Variants in FASTKD1 observed in about 807,000 individuals in gnomAD.
FASTKD1 encodes FAST kinase domain-containing protein 1, mitochondrial.
In FASTKD1, 94 loss-of-function variants were observed where a neutral mutation model predicts 90.9. The observed-to-expected ratio is 1.03, with a 90% CI of 0.88 to 1.23. FASTKD1 has a LOEUF of 1.23. FASTKD1 is among the 50% of genes most tolerant of loss of function. The pLI is 0.00. For synonymous variants in FASTKD1, 319 were observed against 345.8 expected (o/e 0.92, Z 0.86); for missense variants, 945 against 993.5 (o/e 0.95, Z 0.66).
At position 169,572,250 on chromosome 2, in the gene FASTKD1, A is replaced by G. The variant is rs1294113857; in HGVS notation, c.-142-79T>C. On this transcript the variant is annotated intron_variant, in intron 1 of 14. Transcript: ENST00000453153. ...ATTCCAAAATTCAAATTAAAGTAAT[A>G]CATTTTTTCTGCATTAACTAAAGAC... The G allele has an allele frequency of 2.3e-5, 9 of 390,600 alleles. 1 individual carries two copies. The highest frequency in any genetic ancestry group is 1.9e-4 in the African/African-American group (9 of 48,262). 24.2% of individuals were successfully genotyped at this position (390,600 alleles called of 1,614,324 possible). A position where few individuals can be genotyped will look rare whatever the true frequency, so the allele number is the denominator to read the frequency against.
intron 3 of FASTKD1, among the ~76,000 whole-genome samples, chr2:169,563,824 G>A (rs6738390): frequency 0.057 from 8,732 of 152,144 alleles, 338 homozygotes; most frequent in African/African-American, 0.11. Context: ...CAAAAAACCC[G>A]AATGTCCATC....
intron 4 of FASTKD1, 58 bp from the exon 5 acceptor site, chr2:169,560,843 T>G: frequency 9.7e-7 from 1 of 1,031,834 alleles, no homozygotes; most frequent in South Asian, 2.5e-5. Flanking sequence ...TCAATTCTTT[T>G]TTTTTTTTTT....
At chr2:169,565,648 G>A (rs574473521) in intron 3 of FASTKD1, among the ~76,000 whole-genome samples, 3 of 152,138 alleles carry the variant, frequency 2.0e-5, no homozygotes, top group Non-Finnish European at 2.9e-5. Context: ...TGCAATAAAC[G>A]TAAGAGTACA....
intron 9 of FASTKD1, among the ~76,000 whole-genome samples, chr2:169,541,088 A>G (rs1356116279): frequency 1.3e-5 from 2 of 152,244 alleles, no homozygotes; most frequent in Non-Finnish European, 2.9e-5. Flanking sequence ...TTAATAAAGA[A>G]AGACCAGATC....
At chr2:169,545,062 T>C (rs187841192) in intron 8 of FASTKD1, among the ~76,000 whole-genome samples, 2 of 152,314 alleles carry the variant, frequency 1.3e-5, no homozygotes, top group East Asian at 3.9e-4. Flanking sequence ...GTAAATCAGA[T>C]AATTTACAAA....
chr2:169,530,753 TA>T (rs1684446226), intron 13 of FASTKD1, 52 bp from the exon 14 acceptor site: 1 of 959,066 alleles, frequency 1.0e-6, no homozygotes, highest in Non-Finnish European at 1.6e-6. Flanking sequence ...AGAAACTGAA[TA>T]ATTACAAGCT....
At chr2:169,567,803 A>C (rs1416232506) in intron 3 of FASTKD1, among the ~76,000 whole-genome samples, 1 of 152,056 alleles carries the variant, frequency 6.6e-6, no homozygotes, top group Non-Finnish European at 1.5e-5. Flanking sequence ...ATATCCTCCT[A>C]TCTCTTCCTC....
chr2:169,560,386 CTG>C lies in FASTKD1; in HGVS notation c.970_971del (p.Gln324ThrfsTer2). ...GPIAGPEEKK[Q>X]LKSTMLLMSE... Reference sequence around the variant, plus strand: ...AGTAATGCATTTTAAACTGAACTTACTGTTTCTTTTCTTCAGGTCCTGCAATG... The same window carrying C: ...AGTAATGCATTTTAAACTGAACTTACTTTCTTTTCTTCAGGTCCTGCAATG... On this transcript the variant is annotated frameshift_variant and splice_region_variant, in exon 5 of 15. Coordinates refer to ENST00000453153, the MANE Select transcript of FASTKD1 (RefSeq NM_024622.6). LOFTEE classifies it high-confidence loss of function. 3.3e-6 allele frequency: 5 copies of C among 1,529,936 alleles called. No homozygotes were observed. Among genetic ancestry groups the C allele is most frequent in the Non-Finnish European group, 4.4e-6 (5 of 1,147,722 alleles). The allele number at this position is 1,529,936 out of a possible 1,614,324, so 94.8% of individuals were successfully genotyped here.
chr2:169,544,661 C>A, intron 9 of FASTKD1, 60 bp downstream of exon 9: 1 of 910,350 alleles, frequency 1.1e-6, no homozygotes. Flanking sequence ...TCTCCTAGCT[C>A]AGCAGCAACA....
At chr2:169,531,324 T>C (rs1359435509) in intron 13 of FASTKD1, 28 bp downstream of exon 13, 2 of 1,607,414 alleles carry the variant, frequency 1.2e-6, no homozygotes, top group South Asian at 1.1e-5. Flanking sequence ...TAGATATTAA[T>C]ACAATCTAAA....
intron 7 of FASTKD1, among the ~76,000 whole-genome samples, chr2:169,549,801 C>T (rs1246058808): frequency 3.3e-5 from 5 of 152,088 alleles, no homozygotes; most frequent in Admixed American, 2.6e-4. Flanking sequence ...CTAAAATAAT[C>T]GTAATATTAA....
intron 9 of FASTKD1, among the ~76,000 whole-genome samples, chr2:169,544,192 T>C (rs1186954216): frequency 6.6e-6 from 1 of 151,764 alleles, no homozygotes; most frequent in Non-Finnish European, 1.5e-5. Context: ...GTTAACATTA[T>C]TGAATCTACA....
chr2:169,556,494 C>A (rs1384836769), intron 6 of FASTKD1, among the ~76,000 whole-genome samples: 1 of 149,968 alleles, frequency 6.7e-6, no homozygotes, highest in African/African-American at 2.4e-5. Flanking sequence ...TTTGGGATGC[C>A]GAAGTGAACG....
At chr2:169,559,471 C>G (rs1007259000) in intron 5 of FASTKD1, among the ~76,000 whole-genome samples, 6 of 151,936 alleles carry the variant, frequency 3.9e-5, no homozygotes, top group Non-Finnish European at 8.8e-5. Context: ...CATTCTGTGC[C>G]CAGGCTGGAA....
At chr2:169,569,157 T>G (rs1251914949) in intron 3 of FASTKD1, 27 bp downstream of exon 3, 10 of 1,587,858 alleles carry the variant, frequency 6.3e-6, no homozygotes, top group Admixed American at 1.7e-5. Flanking sequence ...ATAACCCTGA[T>G]CTTCAAGATG....
chr2:169,555,401 G>A (rs1185137589), intron 6 of FASTKD1, 146 bp from the exon 7 acceptor site: 6 of 663,666 alleles, frequency 9.0e-6, no homozygotes, highest in Non-Finnish European at 1.5e-5. Flanking sequence ...AATGTCTCAA[G>A]GTGGCTCTAG....
At chr2:169,558,962 T>C (rs183978928) in intron 5 of FASTKD1, among the ~76,000 whole-genome samples, 131 of 151,452 alleles carry the variant, frequency 8.6e-4, no homozygotes, top group Non-Finnish European at 1.6e-3. Flanking sequence ...AATTTTTTCA[T>C]ATAATTCAAA....
chr2:169,544,550 G>A (rs1031729318), intron 9 of FASTKD1, among the ~76,000 whole-genome samples, 171 bp downstream of exon 9: 7 of 152,086 alleles, frequency 4.6e-5, no homozygotes, highest in African/African-American at 1.7e-4. Context: ...CAGCCTGGGC[G>A]ACAGAGCAAG....
intron 3 of FASTKD1, among the ~76,000 whole-genome samples, chr2:169,565,647 C>T (rs1414898900): frequency 6.6e-6 from 1 of 152,164 alleles, no homozygotes; most frequent in South Asian, 2.1e-4. Context: ...CTGCAATAAA[C>T]GTAAGAGTAC....
Sources: allele counts gnomAD v4.1 joint callset (sites outside exome capture counted in the v4.1 genomes callset), GRCh38; gene constraint gnomAD v4.1.1; transcripts MANE v1.5; gene names NCBI Gene and HGNC (gene_info 2026-07-23, HGNC 2026-07-21).